The following INPP5A variants were observed in gnomAD, a reference collection of about 807,000 sequenced individuals.
INPP5A encodes the protein inositol polyphosphate-5-phosphatase A, also known as 43 kDa inositol polyphosphate 5-phophatase.
In INPP5A, 14 loss-of-function variants were observed where a neutral mutation model predicts 65.2. That is an observed-to-expected ratio of 0.21 (90% CI 0.14 to 0.34). INPP5A has a LOEUF of 0.34. INPP5A is among the 10% of genes least tolerant of loss of function. The pLI is 1.00. For synonymous variants in INPP5A, 207 were observed against 208.3 expected (o/e 0.99, Z 0.05); for missense variants, 431 against 545.6 (o/e 0.79, Z 2.09).
At chr10:132,656,691 G>A (rs993286817) in intron 4 of INPP5A, among the ~76,000 whole-genome samples, 6 of 152,234 alleles carry the variant, frequency 3.9e-5, no homozygotes, top group Non-Finnish European at 5.9e-5. Flanking sequence ...CAGGTGAGCC[G>A]GTCCTGAAGG....
At chr10:132,709,778 C>T (rs567983896) in intron 7 of INPP5A, among the ~76,000 whole-genome samples, 3 of 152,334 alleles carry the variant, frequency 2.0e-5, no homozygotes, top group East Asian at 3.9e-4. Flanking sequence ...GAGGGCACGT[C>T]CTTGCCAGCT....
Position 132,676,593 on chromosome 10 carries a change from C to T in INPP5A, c.307-13799C>T, listed in dbSNP as rs951022609. Among the ~76,000 whole-genome samples the T allele has an allele frequency of 1.3e-5, 2 of 152,140 alleles. No individual in the cohort carries two copies. Among genetic ancestry groups the T allele is most frequent in the East Asian group, 1.9e-4 (1 of 5,190 alleles). On this transcript the variant is annotated intron_variant, in intron 4 of 15. Coordinates refer to ENST00000368594, the MANE Select transcript of INPP5A (RefSeq NM_005539.5). This position sits in a 1 kb window ranked among gnomAD's most constrained non-coding sequence, Gnocchi z 4.0. ...CTGTGTGGGACAGGGCTGCCCAAAC[C>T]GCCGCTGGCCTACAGACTGCTGTCC... is the stretch of plus-strand genomic sequence containing the variant.
At chr10:132,632,468 C>T (rs1254005806) in intron 2 of INPP5A, among the ~76,000 whole-genome samples, 5 of 152,180 alleles carry the variant, frequency 3.3e-5, no homozygotes, top group Non-Finnish European at 5.9e-5. Context: ...CACCTCACAG[C>T]GACCGTCTCA....
At chr10:132,593,973 A>G (rs2071650922) in intron 1 of INPP5A, among the ~76,000 whole-genome samples, 1 of 152,194 alleles carries the variant, frequency 6.6e-6, no homozygotes, top group Admixed American at 6.5e-5. Flanking sequence ...AGTTTTCCTA[A>G]CAGTGAATCA....
At chr10:132,699,578 C>T (rs1845403794) in intron 6 of INPP5A, among the ~76,000 whole-genome samples, 1 of 152,098 alleles carries the variant, frequency 6.6e-6, no homozygotes, top group Non-Finnish European at 1.5e-5. Context: ...GGGTCCTGTC[C>T]ACTCCGGATG....
At position 132,627,735 on chromosome 10, in the gene INPP5A, A is replaced by G. The variant is rs2072206633; in HGVS notation, c.118-18133A>G. 6.6e-6 allele frequency among the ~76,000 whole-genome samples: 1 copy of G among 152,148 alleles called. No homozygotes were observed. The highest frequency in any genetic ancestry group is 2.1e-4 in the South Asian group (1 of 4,832). ...CGAGACAGGGGATGCAGACGGGTAG[A>G]TGCCACAGGGCCTCCTCTTCCCCGT... On this transcript the variant is annotated intron_variant, in intron 2 of 15. Coordinates refer to ENST00000368594, the MANE Select transcript of INPP5A (RefSeq NM_005539.5). The surrounding 1 kb of genome is among the most constrained non-coding windows in gnomAD (Gnocchi z 6.6).
chr10:132,596,103 G>T (rs1176664808), intron 1 of INPP5A, among the ~76,000 whole-genome samples: 2 of 152,096 alleles, frequency 1.3e-5, no homozygotes, highest in African/African-American at 2.4e-5. Context: ...TCACTTCAGT[G>T]GTTTTAAAAA....
intron 4 of INPP5A, among the ~76,000 whole-genome samples, chr10:132,682,736 G>A (rs1250313069): frequency 6.6e-6 from 1 of 152,160 alleles, no homozygotes; most frequent in Non-Finnish European, 1.5e-5. Flanking sequence ...GAAGGCACGT[G>A]TCTGCCATGA....
In INPP5A at chr10:132,727,825, G is replaced by A. The variant is rs1846012920; in HGVS notation, c.732+920G>A. On this transcript the variant is annotated intron_variant, in intron 9 of 15. Transcript: ENST00000368594. This position sits in a 1 kb window ranked among gnomAD's most constrained non-coding sequence, Gnocchi z 6.5. ...AGTCGGATGGGGACACGGTGAGTCA[G>A]ATGGGGACATGGTGAGTTGGATGGG... 6.6e-6 allele frequency among the ~76,000 whole-genome samples: 1 copy of A among 152,148 alleles called. No homozygotes were observed. Among genetic ancestry groups the A allele is most frequent in the South Asian group, 2.1e-4 (1 of 4,820 alleles).
chr10:132,547,487 G>A lies in INPP5A; in HGVS notation c.75+9316G>A, dbSNP rs1471279430. Among the ~76,000 whole-genome samples, 5 of 152,176 alleles carry A rather than the reference G, an allele frequency of 3.3e-5. No homozygotes were observed. The highest frequency in any genetic ancestry group is 4.8e-5 in the African/African-American group (2 of 41,428). On this transcript the variant is annotated intron_variant, in intron 1 of 15. Coordinates refer to ENST00000368594, the MANE Select transcript of INPP5A (RefSeq NM_005539.5). This position sits in a 1 kb window ranked among gnomAD's most constrained non-coding sequence, Gnocchi z 5.5. ...TTCTGTGAGCCCGGGCCCAGCTGCCGTGGTGAATATAACCGGGAGGGAGTG... is the reference window on the plus strand; with the variant it reads ...TTCTGTGAGCCCGGGCCCAGCTGCCATGGTGAATATAACCGGGAGGGAGTG...
At chr10:132,626,534 G>A (rs564791894) in intron 2 of INPP5A, among the ~76,000 whole-genome samples, 18 of 152,326 alleles carry the variant, frequency 1.2e-4, no homozygotes, top group Admixed American at 1.2e-3. Context: ...TAAGTGCCTC[G>A]TAGCAATATA....
chr10:132,657,175 A>G (rs1035527715), intron 4 of INPP5A, among the ~76,000 whole-genome samples: 2 of 152,174 alleles, frequency 1.3e-5, no homozygotes, highest in African/African-American at 4.8e-5. Flanking sequence ...GAGCAGAACT[A>G]TGAGCCTGCA....
chr10:132,615,406 C>T (rs1254411441), intron 2 of INPP5A, among the ~76,000 whole-genome samples: 1 of 152,134 alleles, frequency 6.6e-6, no homozygotes, highest in African/African-American at 2.4e-5. Context: ...GGCTTTCACA[C>T]GTGACTTTTC....
At chr10:132,608,014 T>G (rs547800247) in intron 2 of INPP5A, 58 bp downstream of exon 2, 1 of 1,529,670 alleles carries the variant, frequency 6.5e-7, no homozygotes, top group South Asian at 1.1e-5. Flanking sequence ...AAGGTGCCTT[T>G]TTGCTTTGGC....
intron 1 of INPP5A, among the ~76,000 whole-genome samples, chr10:132,579,082 T>G (rs903385546): frequency 8.5e-5 from 13 of 152,078 alleles, no homozygotes; most frequent in African/African-American, 3.1e-4. Context: ...GATGCCCCTT[T>G]GTGTGGCTCA....
At position 132,591,822 on chromosome 10, in the gene INPP5A, G is replaced by A. The variant is rs182920797; in HGVS notation, c.76-16093G>A. Among the ~76,000 whole-genome samples the A allele has an allele frequency of 2.5e-3, 376 of 152,162 alleles. 1 individual carries two copies. Among genetic ancestry groups the A allele is most frequent in the Non-Finnish European group, 4.8e-3 (324 of 68,014 alleles). On this transcript the variant is annotated intron_variant, in intron 1 of 15. Coordinates refer to ENST00000368594, the MANE Select transcript of INPP5A (RefSeq NM_005539.5). ...TGCGCCTCTGCATGTGTTCCCTTTCGGGTCTCATTCCCTCCCCCGATATGT... is the reference window on the plus strand; with the variant it reads ...TGCGCCTCTGCATGTGTTCCCTTTCAGGTCTCATTCCCTCCCCCGATATGT...
At chr10:132,579,481 G>T (rs1373509866) in intron 1 of INPP5A, among the ~76,000 whole-genome samples, 1 of 152,154 alleles carries the variant, frequency 6.6e-6, no homozygotes, top group East Asian at 1.9e-4. Context: ...AGAGGGGGCC[G>T]GAGCCAAGGA....
At chr10:132,755,346 G>A (rs1235739620) in intron 11 of INPP5A, among the ~76,000 whole-genome samples, 1 of 148,326 alleles carries the variant, frequency 6.7e-6, no homozygotes, top group African/African-American at 2.5e-5. Context: ...GTGTGAGCGT[G>A]TGTGTGAGCA....
intron 6 of INPP5A, among the ~76,000 whole-genome samples, chr10:132,699,630 G>C (rs1476283856): frequency 6.6e-6 from 1 of 152,172 alleles, no homozygotes; most frequent in Non-Finnish European, 1.5e-5. Flanking sequence ...TCTTGGGGGT[G>C]GGGGCCGAGG....
Sources: allele counts gnomAD v4.1 joint callset (sites outside exome capture counted in the v4.1 genomes callset), GRCh38; gene constraint gnomAD v4.1.1; non-coding constraint Gnocchi (gnomAD v3.1); transcripts MANE v1.5; gene names NCBI Gene and HGNC (gene_info 2026-07-23, HGNC 2026-07-21).